The following ATAD5 variants were observed in gnomAD, a reference collection of about 807,000 sequenced individuals.
ATAD5 encodes ATPase family AAA domain containing 5, also known as ATPase family AAA domain-containing protein 5.
ATAD5 carries 58 observed loss-of-function variants against 176.9 expected under a neutral mutation model. That is an observed-to-expected ratio of 0.33 (90% CI 0.27 to 0.41). The LOEUF is 0.41. ATAD5 is among the 10% of genes least tolerant of loss of function. The pLI is 1.00. For missense variants in ATAD5, 1,789 were observed against 2,094.1 expected, an observed-to-expected ratio of 0.85 and a Z score of 2.84; for synonymous variants, 640 against 712.6, an observed-to-expected ratio of 0.90 and a Z score of 1.62.
At position 30,855,459 on chromosome 17, in the gene ATAD5, G is replaced by A. The variant is rs1327104978; in HGVS notation, c.2635+132G>A. The A allele has an allele frequency of 5.0e-6, 5 of 991,670 alleles. No homozygotes were observed. The East Asian group carries it at 1.1e-4, about 22-fold the overall frequency. The allele number at this position is 991,670 out of a possible 1,614,324, so 61.4% of individuals were successfully genotyped here. On this transcript the variant is annotated intron_variant, in intron 7 of 22. Transcript: ENST00000321990. ...TGGTGACTTTAGTGGGAATTTTAAG[G>A]ACAATTTCTCTCACTATCCATGGGG...
At chr17:30,869,767 C>A in intron 14 of ATAD5, 121 bp downstream of exon 14, 1 of 1,024,178 alleles carries the variant, frequency 9.8e-7, no homozygotes, top group Non-Finnish European at 1.4e-6. Flanking sequence ...CGTTTCCTGC[C>A]CACCCCTGCC....
chr17:30,874,696 T>G lies in ATAD5; in HGVS notation c.3608-1678T>G, dbSNP rs557651646. 1.1e-3 allele frequency among the ~76,000 whole-genome samples: 167 copies of G among 150,530 alleles called. 3 individuals carry two copies. The highest frequency in any genetic ancestry group is 1.6e-3 in the Non-Finnish European group (105 of 67,706). On this transcript the variant is annotated intron_variant, in intron 14 of 22. Transcript: ENST00000321990. ...CCCAGGCAGCAGTGCAGTGGAGCGA[T>G]CTCAGCTCACTGCAACCTCCACCTC...
chr17:30,893,380 T>C lies in ATAD5; in HGVS notation c.4527T>C (p.Ser1509=). 1.9e-6 allele frequency: 3 copies of C among 1,607,900 alleles called. No homozygotes were observed. The highest frequency in any genetic ancestry group is 2.5e-6 in the Non-Finnish European group (3 of 1,178,064). ...TGCGGAATGTAGATTTTTTATATAG[T>C]AATCTTGAGTTTATTCTACCATTAC... is the stretch of plus-strand genomic sequence containing the variant. ...FQMRNVDFLY[S]NLEFILPLPV... is the part of the protein sequence containing the mutation. The change falls in exon 21 of 23, where the codon AGT becomes AGC. Residue 1509 remains serine (S), a synonymous_variant. Transcript: ENST00000321990.
chr17:30,883,520 T>C (rs1341549003), intron 18 of ATAD5, among the ~76,000 whole-genome samples: 1 of 152,054 alleles, frequency 6.6e-6, no homozygotes, highest in Non-Finnish European at 1.5e-5. Flanking sequence ...TTTGGATATA[T>C]TGTTGTAAAA....
chr17:30,884,433 T>C (rs943735213), intron 18 of ATAD5, among the ~76,000 whole-genome samples: 4 of 138,672 alleles, frequency 2.9e-5, no homozygotes, highest in Non-Finnish European at 6.2e-5. Flanking sequence ...TCTTTTTTTT[T>C]TTTTTTTTTT....
chr17:30,839,869 G>A (rs1422929316), intron 3 of ATAD5, among the ~76,000 whole-genome samples: 1 of 151,688 alleles, frequency 6.6e-6, no homozygotes, highest in East Asian at 2.0e-4. Context: ...AGAGGCATGA[G>A]CCACTGTGTC....
At chr17:30,861,486 T>C (rs752935466) in intron 10 of ATAD5, among the ~76,000 whole-genome samples, 2 of 152,106 alleles carry the variant, frequency 1.3e-5, no homozygotes, top group Non-Finnish European at 2.9e-5. Context: ...GTGTTCAGTC[T>C]TTGATTTTTC....
At position 30,858,277 on chromosome 17, in the gene ATAD5, A is replaced by C; in HGVS notation, c.2910A>C (p.Lys970Asn). The C allele has an allele frequency of 6.3e-7, 1 of 1,586,784 alleles. No individual in the cohort carries two copies. Among genetic ancestry groups the C allele is most frequent in the South Asian group, 1.2e-5 (1 of 85,376 alleles). The change falls in exon 9 of 23, where the codon AAA becomes AAC. Residue 970 changes from lysine (K) to asparagine (N), a missense_variant. By Grantham distance (94) the Lys-to-Asn change is moderately conservative. Around this residue, in one of 6 missense-constraint regions of ATAD5, gnomAD observed 487 missense variants for 573.6 expected, o/e 0.85. Coordinates refer to ENST00000321990, the MANE Select transcript of ATAD5 (RefSeq NM_024857.5). ...AATATTTTCCCTTACTCCTAAAAAAACAAATTGAGCACCAAGTACTTTCTT... is the reference window on the plus strand; with the variant it reads ...AATATTTTCCCTTACTCCTAAAAAACCAAATTGAGCACCAAGTACTTTCTT... ...LKKYFPLLLKKQIEHQVLSSE... is the reference protein window; with the variant it reads ...LKKYFPLLLKNQIEHQVLSSE...
chr17:30,877,706 AAT>A (rs1318874048), intron 16 of ATAD5, among the ~76,000 whole-genome samples, 157 bp downstream of exon 16: 7 of 152,196 alleles, frequency 4.6e-5, no homozygotes, highest in Non-Finnish European at 1.0e-4. Context: ...TCCACTCTAG[AAT>A]AATTTTTCAG....
intron 14 of ATAD5, among the ~76,000 whole-genome samples, chr17:30,873,252 G>T (rs1908442223): frequency 6.6e-6 from 1 of 151,488 alleles, no homozygotes; most frequent in Non-Finnish European, 1.5e-5. Context: ...TGGCATGTCA[G>T]GATGTCCCAG....
chr17:30,857,645 C>T (rs1427603133), intron 8 of ATAD5, among the ~76,000 whole-genome samples: 1 of 151,926 alleles, frequency 6.6e-6, no homozygotes, highest in Non-Finnish European at 1.5e-5. Context: ...CATTTAGATA[C>T]TTTATAAGTA....
intron 6 of ATAD5, among the ~76,000 whole-genome samples, chr17:30,850,851 ATATATATATATATATATATT>A (rs1906868413): frequency 2.1e-5 from 1 of 47,888 alleles, no homozygotes; most frequent in Non-Finnish European, 4.7e-5. Flanking sequence ...ATATATATAT[ATATATATATATATATATATT>A]TTTTTTTTTT....
At chr17:30,873,253 G>C (rs1908442386) in intron 14 of ATAD5, among the ~76,000 whole-genome samples, 1 of 151,794 alleles carries the variant, frequency 6.6e-6, no homozygotes, top group Non-Finnish European at 1.5e-5. Flanking sequence ...GGCATGTCAG[G>C]ATGTCCCAGA....
intron 8 of ATAD5, among the ~76,000 whole-genome samples, chr17:30,857,886 C>G (rs1486832030): frequency 6.6e-6 from 1 of 151,966 alleles, no homozygotes; most frequent in African/African-American, 2.4e-5. Context: ...GAATTACAGG[C>G]ACACGCCACC....
chr17:30,843,276 C>T (rs116884229), intron 4 of ATAD5, among the ~76,000 whole-genome samples: 3,845 of 151,816 alleles, frequency 0.025, 85 homozygotes, highest in Admixed American at 0.073. Flanking sequence ...GGCTTGAGGT[C>T]GGGAGTTTGA....
intron 11 of ATAD5, 32 bp downstream of exon 11, chr17:30,865,832 G>A (rs755763594): frequency 7.4e-7 from 1 of 1,350,226 alleles, no homozygotes; most frequent in Non-Finnish European, 1.0e-6. Context: ...TTGAGAAATA[G>A]TTTACAAACT....
chr17:30,880,335 G>A lies in ATAD5; in HGVS notation c.4077+848G>A, dbSNP rs555508587. ...AAAAAAAATAAATACCTGGCCGGGCGTAGTGGCTCACGCCTGTAATCCCAG... is the reference window on the plus strand; with the variant it reads ...AAAAAAAATAAATACCTGGCCGGGCATAGTGGCTCACGCCTGTAATCCCAG... On this transcript the variant is annotated intron_variant, in intron 18 of 22. Coordinates refer to ENST00000321990, the MANE Select transcript of ATAD5 (RefSeq NM_024857.5). 6.3e-4 allele frequency among the ~76,000 whole-genome samples: 95 copies of A among 149,792 alleles called. 1 individual carries two copies. Among genetic ancestry groups the A allele is most frequent in the African/African-American group, 1.7e-3 (71 of 40,796 alleles).
chr17:30,854,369 ATTT>A (rs11445925), intron 6 of ATAD5, among the ~76,000 whole-genome samples: 1 of 121,008 alleles, frequency 8.3e-6, no homozygotes, highest in African/African-American at 3.2e-5. Context: ...ATTAATTTAA[ATTT>A]TTTTTTTTTT....
chr17:30,890,165 A>G (rs2142451414), intron 19 of ATAD5, among the ~76,000 whole-genome samples: 1 of 151,898 alleles, frequency 6.6e-6, no homozygotes, highest in Non-Finnish European at 1.5e-5. Flanking sequence ...CTGGGATTAT[A>G]GGCATGAGCC....
Sources: gnomAD v4.1 joint callset for allele counts (sites outside exome capture counted in the v4.1 genomes callset) on GRCh38, gnomAD v4.1.1 for gene constraint, gnomAD v4.1.1 regional missense constraint, MANE v1.5 for transcripts, NCBI Gene and HGNC (gene_info 2026-07-23, HGNC 2026-07-21) for gene names.